Variants in SP110 observed in about 807,000 individuals in gnomAD.
SP110 encodes the protein SP110 nuclear body protein.
A neutral mutation model predicts 92.7 loss-of-function variants in SP110; 62 were observed. The observed-to-expected ratio is 0.67, with a 90% CI of 0.55 to 0.83. The LOEUF (loss-of-function observed/expected upper bound fraction) is 0.83, where lower values mean the gene tolerates loss of function less well. Ranked by LOEUF, SP110 falls within the 40% of genes least tolerant of loss-of-function variation. The pLI is 0.00. For synonymous variants in SP110, 273 were observed against 305.3 expected (o/e 0.89, Z 1.10); for missense variants, 793 against 863.9 (o/e 0.92, Z 1.03).
intron 9 of SP110, 73 bp from the exon 10 acceptor site, chr2:230,201,038 C>T (rs2043133892): frequency 1.7e-6 from 2 of 1,144,696 alleles, no homozygotes; most frequent in Non-Finnish European, 2.7e-6. Flanking sequence ...CCCAGGAAGG[C>T]CCTTGCACAC....
At position 230,186,011 on chromosome 2, in the gene SP110, C is replaced by T. The variant is rs140588937; in HGVS notation, c.1262G>A (p.Arg421Gln). Residue 421 changes from arginine (R) to glutamine (Q), a missense_variant, in exon 11 of 19, where the codon CGA (arginine) becomes CAA (glutamine). By Grantham distance (43) the Arg-to-Gln change is conservative. Coordinates refer to ENST00000258381, the MANE Select transcript of SP110 (RefSeq NM_080424.4). ...RVQKARTKCA[R>Q]KSRLKEKKKE... The stretch of plus-strand genomic sequence containing the variant: ...AGCCTTACCTTTCAATCTGGACTTT[C>T]GGGCACATTTAGTTCTTGCCTTTTG... 2.8e-5 allele frequency: 45 copies of T among 1,613,972 alleles called. No homozygotes were observed. Among genetic ancestry groups the T allele is most frequent in the African/African-American group, 1.6e-4 (12 of 74,914 alleles).
intron 10 of SP110, among the ~76,000 whole-genome samples, chr2:230,186,585 G>A (rs1451770098): frequency 6.6e-6 from 1 of 152,128 alleles, no homozygotes; most frequent in Non-Finnish European, 1.5e-5. Flanking sequence ...GGCAAAATCT[G>A]AGACTTTAGT....
At chr2:230,214,865 G>A in intron 3 of SP110, 85 bp downstream of exon 3, 1 of 1,111,192 alleles carries the variant, frequency 9.0e-7, no homozygotes. Context: ...GGATTAACGT[G>A]CATATTCCAC....
At chr2:230,215,896 GA>G (rs930499933) in intron 2 of SP110, among the ~76,000 whole-genome samples, 10 of 152,194 alleles carry the variant, frequency 6.6e-5, no homozygotes, top group African/African-American at 2.4e-4. Context: ...GGGTCTTCAT[GA>G]GATGAGTTGG....
chr2:230,203,146 G>A (rs1223447759), intron 8 of SP110: 4 of 224,512 alleles, frequency 1.8e-5, no homozygotes, highest in Admixed American at 1.0e-4. Flanking sequence ...GTTTCTAGGT[G>A]CCTTCAGTGG....
intron 13 of SP110, 93 bp from the exon 14 acceptor site, chr2:230,177,773 G>T: frequency 2.9e-6 from 4 of 1,378,592 alleles, no homozygotes; most frequent in Non-Finnish European, 4.1e-6. Context: ...TACCTTTCCA[G>T]GTCAAGAGAG....
intron 1 of SP110, among the ~76,000 whole-genome samples, chr2:230,219,325 A>G (rs1240599838): frequency 6.6e-6 from 1 of 152,212 alleles, no homozygotes; most frequent in South Asian, 2.1e-4. Context: ...AATAGTAATA[A>G]TCTCAGACAC....
At chr2:230,198,770 G>T (rs917948994) in intron 10 of SP110, among the ~76,000 whole-genome samples, 2 of 151,848 alleles carry the variant, frequency 1.3e-5, no homozygotes, top group Admixed American at 6.6e-5. Flanking sequence ...AATTTTTTTT[G>T]TATTTTTAGC....
upstream of SP110, chr2:230,221,911 T>A: frequency 8.9e-5 from 52 of 586,614 alleles, no homozygotes; most frequent in Non-Finnish European, 1.2e-4. Context: ...CGAATGAGGA[T>A]GAAAGATGTT....
chr2:230,173,749 C>T (rs1428355573), intron 14 of SP110: 4 of 152,150 alleles, frequency 2.6e-5, no homozygotes, highest in African/African-American at 9.7e-5. Context: ...TGTGACCCCA[C>T]CTGTGATGGC....
At chr2:230,187,410 A>C (rs1021241725) in intron 10 of SP110, among the ~76,000 whole-genome samples, 8 of 151,888 alleles carry the variant, frequency 5.3e-5, no homozygotes, top group African/African-American at 1.9e-4. Flanking sequence ...TGGATGCATA[A>C]TTTGCAAATA....
intron 11 of SP110, among the ~76,000 whole-genome samples, chr2:230,183,924 C>A (rs976230781): frequency 1.3e-5 from 2 of 152,212 alleles, no homozygotes; most frequent in African/African-American, 4.8e-5. Flanking sequence ...GTACAGGAGT[C>A]CCCCCTTATC....
chr2:230,211,480 G>A lies in SP110; in HGVS notation c.741C>T (p.Gly247=), dbSNP rs2148917159. The A allele has an allele frequency of 1.2e-6, 2 of 1,601,848 alleles. No individual in the cohort carries two copies. The highest frequency in any genetic ancestry group is 2.2e-5 in the East Asian group (1 of 44,826). Residue 247 remains glycine (G), a synonymous_variant, in exon 6 of 19, where the codon GGC becomes GGT. Coordinates refer to ENST00000258381, the MANE Select transcript of SP110 (RefSeq NM_080424.4). This position sits in a 1 kb window ranked among gnomAD's most constrained non-coding sequence, Gnocchi z 4.2. ...CCAAACCAAGATTACCTGGCATAGA[G>A]CCCAAGGGAGAGTGGGGCATCTCTT... is the stretch of plus-strand genomic sequence containing the variant. ...DPQEMPHSPL[G]SMPEIRDNSP... is the part of the protein sequence containing the mutation.
chr2:230,199,304 GTTCAAGCGA>G (rs61603563), intron 10 of SP110, among the ~76,000 whole-genome samples: 2,869 of 149,508 alleles, frequency 0.019, 99 homozygotes, highest in African/African-American at 0.066. Flanking sequence ...TGCCTCCTGG[GTTCAAGCGA>G]TTCTCCTTCC....
intron 10 of SP110, among the ~76,000 whole-genome samples, chr2:230,186,655 T>TCCGTC (rs2042375674): frequency 6.6e-6 from 1 of 152,084 alleles, no homozygotes; most frequent in Admixed American, 6.6e-5. Context: ...CTCCCCCTCC[T>TCCGTC]CCGTCCCTCT....
rs2043314883 is a variant in SP110, at chr2:230,202,818, C to T, written c.899-90G>A. Reference sequence around the variant, plus strand: ...AATCAGTGACTTCCCTTCTCATGCCCCTAACTCCCACTCTTTCAGATCTCT... The same window carrying T: ...AATCAGTGACTTCCCTTCTCATGCCTCTAACTCCCACTCTTTCAGATCTCT... On this transcript the variant is annotated intron_variant, in intron 8 of 18. Coordinates refer to ENST00000258381, the MANE Select transcript of SP110 (RefSeq NM_080424.4). The T allele has an allele frequency of 3.3e-6, 4 of 1,199,946 alleles. No individual in the cohort carries two copies. In the Admixed American group the frequency reaches 6.7e-5, roughly 20 times the overall value. 74.3% of individuals were successfully genotyped at this position (1,199,946 alleles called of 1,614,324 possible). A position where few individuals can be genotyped will look rare whatever the true frequency, so the allele number is the denominator to read the frequency against.
At chr2:230,214,310 C>T (rs1190033707) in intron 3 of SP110, among the ~76,000 whole-genome samples, 1 of 151,976 alleles carries the variant, frequency 6.6e-6, no homozygotes, top group Non-Finnish European at 1.5e-5. Context: ...TACCTTTTTT[C>T]CCTTCTCTGG....
chr2:230,222,865 A>G (rs1249665801), upstream of SP110, among the ~76,000 whole-genome samples: 4 of 142,216 alleles, frequency 2.8e-5, no homozygotes, highest in Admixed American at 7.0e-5. Context: ...TTTTTTATCA[A>G]TGAAGGCACA....
At position 230,186,052 on chromosome 2, in the gene SP110, C is replaced by A. The variant is rs1394869458; in HGVS notation, c.1221G>T (p.Glu407Asp). The change falls in exon 11 of 19, where the codon GAG (glutamate) becomes GAT (aspartate). Residue 407 changes from glutamate (E) to aspartate (D), a missense_variant. By Grantham distance (45) the Glu-to-Asp change is conservative (BLOSUM62 2). Coordinates refer to ENST00000258381, the MANE Select transcript of SP110 (RefSeq NM_080424.4). ...TTGCCTTTTGGACCCTCATCATGAC[C>A]TCTGAGTTCCAGGTTGAGTCGTCTT... The part of the protein sequence containing the change: ...QRKDDSTWNS[E>D]VMMRVQKART... 6.2e-7 allele frequency: 1 copy of A among 1,614,092 alleles called. No individual in the cohort carries two copies.
Sources: gnomAD v4.1 joint callset for allele counts (sites outside exome capture counted in the v4.1 genomes callset) on GRCh38, gnomAD v4.1.1 for gene constraint, Gnocchi (gnomAD v3.1) non-coding constraint, MANE v1.5 for transcripts, NCBI Gene and HGNC (gene_info 2026-07-23, HGNC 2026-07-21) for gene names.